The following SEL1L variants were observed in gnomAD, a reference collection of about 807,000 sequenced individuals.
SEL1L encodes SEL1L adaptor subunit of SYVN1 ubiquitin ligase.
In SEL1L, 52 loss-of-function variants were observed where a neutral mutation model predicts 109.8. That is an observed-to-expected ratio of 0.47 (90% CI 0.38 to 0.60). The LOEUF (loss-of-function observed/expected upper bound fraction) is 0.60. Ranked by LOEUF, SEL1L falls within the 20% of genes least tolerant of loss-of-function variation. The pLI is 0.00. For synonymous variants in SEL1L, 373 were observed against 339.6 expected (o/e 1.10, Z -1.08); for missense variants, 749 against 962.2 (o/e 0.78, Z 2.93).
intron 4 of SEL1L, among the ~76,000 whole-genome samples, chr14:81,505,522 A>T (rs1001213595): frequency 3.3e-5 from 5 of 152,152 alleles, no homozygotes; most frequent in South Asian, 2.1e-4. Context: ...TTATTTTTTT[A>T]AAAATTGGTA....
At chr14:81,530,072 A>G (rs1022485591) in intron 1 of SEL1L, among the ~76,000 whole-genome samples, 6 of 152,254 alleles carry the variant, frequency 3.9e-5, no homozygotes, top group South Asian at 2.1e-4. Flanking sequence ...TTATTGTATT[A>G]GCTAACAAAA....
In SEL1L at chr14:81,472,494, AT is replaced by A; in HGVS notation, c.*4477del. On this transcript the variant is annotated 3_prime_UTR_variant, in exon 21 of 21. Transcript: ENST00000336735. ...TGTACATGTTCACTCTTGATTTAAT[AT>A]TTTTTCATTTCTCCTTTACTCAGAG... 6.1e-6 allele frequency: 2 copies of A among 328,760 alleles called. No homozygotes were observed. The highest frequency in any genetic ancestry group is 1.2e-5 in the Non-Finnish European group (2 of 170,484). The allele number at this position is 328,760 out of a possible 1,614,324, so 20.4% of individuals were successfully genotyped here. A position where few individuals can be genotyped will look rare whatever the true frequency, so the allele number is the denominator to read the frequency against.
Position 81,475,947 on chromosome 14 carries a change from T to C in SEL1L, c.*1025A>G, listed in dbSNP as rs1903145625. 1 of 152,228 alleles carries C rather than the reference T, an allele frequency of 6.6e-6. No individual in the cohort carries two copies. The highest frequency in any genetic ancestry group is 1.5e-5 in the Non-Finnish European group (1 of 68,040). The allele number at this position is 152,228 out of a possible 1,614,324, so 9.4% of individuals were successfully genotyped here. ...GATTCTCTGAGTTTTAGTATTATAATAGTAGTCACTGTAAGCCATACCCTG... is the reference window on the plus strand; with the variant it reads ...GATTCTCTGAGTTTTAGTATTATAACAGTAGTCACTGTAAGCCATACCCTG... On this transcript the variant is annotated 3_prime_UTR_variant, in exon 21 of 21. Coordinates refer to ENST00000336735, the MANE Select transcript of SEL1L (RefSeq NM_005065.6).
intron 12 of SEL1L, among the ~76,000 whole-genome samples, 199 bp downstream of exon 12, chr14:81,492,281 G>A (rs185520859): frequency 5.9e-5 from 9 of 152,276 alleles, no homozygotes; most frequent in East Asian, 1.9e-4. Flanking sequence ...GTGAGCCACC[G>A]CGCCTGGCTG....
intron 18 of SEL1L, 137 bp from the exon 19 acceptor site, chr14:81,484,534 C>T: frequency 1.3e-6 from 1 of 779,352 alleles, no homozygotes; most frequent in South Asian, 2.3e-5. Flanking sequence ...TGTAACAAAT[C>T]CTTTCAGCCA....
At chr14:81,488,479 C>A (rs1443628607) in intron 14 of SEL1L, among the ~76,000 whole-genome samples, 4 of 152,080 alleles carry the variant, frequency 2.6e-5, no homozygotes, top group Non-Finnish European at 4.4e-5. Context: ...TAGAGAATAC[C>A]TATAGATATT....
intron 19 of SEL1L, among the ~76,000 whole-genome samples, chr14:81,482,230 A>G (rs1418193991): frequency 6.6e-6 from 1 of 152,220 alleles, no homozygotes; most frequent in Non-Finnish European, 1.5e-5. Flanking sequence ...ATTAAATTAG[A>G]ACACATTTTC....
intron 3 of SEL1L, among the ~76,000 whole-genome samples, chr14:81,510,621 CTATACAGA>C (rs989596361): frequency 6.6e-5 from 10 of 151,602 alleles, no homozygotes; most frequent in Admixed American, 6.6e-5. Context: ...ATTTCTTGAT[CTATACAGA>C]TAAACATAAT....
chr14:81,487,506 C>T lies in SEL1L; in HGVS notation c.1516G>A (p.Ala506Thr), dbSNP rs1220340361. Residue 506 changes from alanine to threonine, a missense_variant, in exon 16 of 21, where the codon GCC (alanine) becomes ACC (threonine). Around this residue, in one of 2 missense-constraint regions of SEL1L, gnomAD observed 383 missense variants for 562.5 expected, o/e 0.68. Coordinates refer to ENST00000336735, the MANE Select transcript of SEL1L (RefSeq NM_005065.6). ...GIGVKRDYKQ[A>T]LKYFNLASQG... Reference sequence around the variant, plus strand: ...GAAGCTAAATTAAAATACTTCAAGGCCTGTTTATAATCTCTCTTGACTCCA... The same window carrying T: ...GAAGCTAAATTAAAATACTTCAAGGTCTGTTTATAATCTCTCTTGACTCCA... 1 of 1,605,646 alleles carries T rather than the reference C, an allele frequency of 6.2e-7. No individual in the cohort carries two copies. Among genetic ancestry groups the T allele is most frequent in the Non-Finnish European group, 8.5e-7 (1 of 1,178,350 alleles).
intron 3 of SEL1L, among the ~76,000 whole-genome samples, chr14:81,510,512 C>CTATATATATATA (rs1342094383): frequency 1.7e-3 from 177 of 106,698 alleles, no homozygotes; most frequent in East Asian, 3.6e-3. Context: ...CTCTCTCTCT[C>CTATATATATATA]TCTATATATA....
intron 20 of SEL1L, 64 bp downstream of exon 20, chr14:81,479,548 A>G: frequency 6.6e-7 from 1 of 1,516,444 alleles, no homozygotes. Flanking sequence ...CTTTTGAAAA[A>G]CAAACCTCCA....
intron 10 of SEL1L, among the ~76,000 whole-genome samples, chr14:81,496,469 G>C (rs535480713): frequency 6.6e-6 from 1 of 152,196 alleles, no homozygotes; most frequent in African/African-American, 2.4e-5. Flanking sequence ...GCTAGGTGTG[G>C]TGGCTAATGC....
At chr14:81,483,777 A>G (rs1050629556) in intron 19 of SEL1L, among the ~76,000 whole-genome samples, 8 of 152,222 alleles carry the variant, frequency 5.3e-5, no homozygotes, top group African/African-American at 9.6e-5. Flanking sequence ...AGTTTTTCCA[A>G]ATTCTTTTGA....
chr14:81,505,436 C>G (rs1161523252), intron 4 of SEL1L, among the ~76,000 whole-genome samples: 1 of 152,170 alleles, frequency 6.6e-6, no homozygotes, highest in Non-Finnish European at 1.5e-5. Context: ...AGTACCCAGT[C>G]ACGCTGGCCT....
In SEL1L at chr14:81,533,766, A is replaced by C; in HGVS notation, c.-22T>G. On this transcript the variant is annotated 5_prime_UTR_variant, in exon 1 of 21. Coordinates refer to ENST00000336735, the MANE Select transcript of SEL1L (RefSeq NM_005065.6). ...GCATCCTCCTCTCGGGGCCGGTGCC[A>C]ACCCCTAGAGCTGTCGCCTTCGCCT... The C allele has an allele frequency of 6.2e-7, 1 of 1,610,606 alleles. No homozygotes were observed. The highest frequency in any genetic ancestry group is 1.3e-5 in the African/African-American group (1 of 75,008).
rs150322936 is a variant in SEL1L, at chr14:81,479,468, C to T, written c.2175+144G>A. The stretch of plus-strand genomic sequence containing the variant: ...TTTATCCCTCCCCTGATAAGGTCCT[C>T]GGGTACCTGAGCTGAGGAGAAGGGA... On this transcript the variant is annotated intron_variant, in intron 20 of 20. Coordinates refer to ENST00000336735, the MANE Select transcript of SEL1L (RefSeq NM_005065.6). 2,417 of 683,680 alleles carry T rather than the reference C, an allele frequency of 3.5e-3. 9 individuals carry two copies. The highest frequency in any genetic ancestry group is 5.2e-3 in the Middle Eastern group (18 of 3,474). The allele number at this position is 683,680 out of a possible 1,614,324, so 42.4% of individuals were successfully genotyped here.
chr14:81,513,384 C>T (rs1354058559), intron 3 of SEL1L, among the ~76,000 whole-genome samples: 1 of 152,160 alleles, frequency 6.6e-6, no homozygotes, highest in Non-Finnish European at 1.5e-5. Context: ...AGCTCTAACA[C>T]TCACTGCGAA....
chr14:81,477,325 G>T (rs1224431988), intron 20 of SEL1L, 144 bp from the exon 21 acceptor site: 14 of 643,874 alleles, frequency 2.2e-5, no homozygotes, highest in Non-Finnish European at 3.4e-5. Flanking sequence ...GTGTGTGTGT[G>T]TGTGTGTGTG....
Position 81,478,514 on chromosome 14 carries a change from G to A in SEL1L, c.2175+1098C>T, listed in dbSNP as rs552821902. On this transcript the variant is annotated intron_variant, in intron 20 of 20. Coordinates refer to ENST00000336735, the MANE Select transcript of SEL1L (RefSeq NM_005065.6). Reference sequence around the variant, plus strand: ...ACCAACAGTTAGTAATAAAAATTGTGAGAGATAAAGGTCTGAAATGGTACT... The same window carrying A: ...ACCAACAGTTAGTAATAAAAATTGTAAGAGATAAAGGTCTGAAATGGTACT... 3.3e-5 allele frequency among the ~76,000 whole-genome samples: 5 copies of A among 152,298 alleles called. No individual in the cohort carries two copies. The South Asian group carries it at 1.0e-3, about 32-fold the overall frequency.
Sources: allele counts gnomAD v4.1 joint callset (sites outside exome capture counted in the v4.1 genomes callset), GRCh38; gene constraint gnomAD v4.1.1; regional missense constraint gnomAD v4.1.1; transcripts MANE v1.5; gene names NCBI Gene and HGNC (gene_info 2026-07-23, HGNC 2026-07-21).